Variants in SAMMSON observed in about 807,000 individuals in gnomAD.
SAMMSON encodes the protein long intergenic non-protein coding RNA 1212.
At chr3:70,285,223 A>G (rs1479001575) in intron 6 of SAMMSON, among the ~76,000 whole-genome samples, 1 of 92,648 alleles carries the variant, frequency 1.1e-5, no homozygotes, top group East Asian at 3.5e-4. Flanking sequence ...CCACCCCACA[A>G]CAGTCCCCAG....
At chr3:70,306,992 T>G (rs35386450) in intron 7 of SAMMSON, among the ~76,000 whole-genome samples, 57,102 of 151,854 alleles carry the variant, frequency 0.38, 11,089 homozygotes, top group Middle Eastern at 0.43. Flanking sequence ...TTTATATATA[T>G]AGAGAGAGAG....
intron 4 of SAMMSON, among the ~76,000 whole-genome samples, chr3:70,237,566 T>C (rs1701622099): frequency 6.6e-6 from 1 of 152,202 alleles, no homozygotes; most frequent in South Asian, 2.1e-4. Context: ...TCTTCAATCA[T>C]TCAAGGACAG....
chr3:70,285,515 A>C (rs1483374651), intron 6 of SAMMSON, among the ~76,000 whole-genome samples: 58 of 151,758 alleles, frequency 3.8e-4, no homozygotes, highest in African/African-American at 1.0e-3. Context: ...CCGCAATAAA[A>C]ATACGTGTGC....
chr3:70,311,208 G>C (rs763734729), intron 7 of SAMMSON, among the ~76,000 whole-genome samples: 2 of 152,102 alleles, frequency 1.3e-5, no homozygotes, highest in Non-Finnish European at 2.9e-5. Context: ...TGAAAAAGAC[G>C]CAGCATACCT....
At chr3:70,074,825 T>C (rs2067242418) in intron 4 of SAMMSON, 1 of 152,120 alleles carries the variant, frequency 6.6e-6, no homozygotes, top group Non-Finnish European at 1.5e-5. Context: ...ATGCCTTCTG[T>C]TTTGCTTGTG....
At chr3:70,379,015 ATTTATTTATTTAT>A (rs1421072945) in intron 9 of SAMMSON, among the ~76,000 whole-genome samples, 3 of 148,682 alleles carry the variant, frequency 2.0e-5, no homozygotes, top group African/African-American at 7.5e-5. Flanking sequence ...TTATTTATTT[ATTTATTTATTTAT>A]TTTAAGACGG....
intron 4 of SAMMSON, chr3:70,172,620 A>AGAAG (rs1221123687): frequency 6.6e-6 from 1 of 151,972 alleles, no homozygotes; most frequent in Non-Finnish European, 1.5e-5. Context: ...GAACACTCAC[A>AGAAG]AAAGAGGGGC....
chr3:70,097,620 T>C (rs531143013), intron 4 of SAMMSON, among the ~76,000 whole-genome samples: 33 of 152,206 alleles, frequency 2.2e-4, no homozygotes, highest in Non-Finnish European at 3.5e-4. Flanking sequence ...GGGCTCAGAA[T>C]TATTACGGCA....
At chr3:70,349,367 C>T (rs571859143) in intron 7 of SAMMSON, among the ~76,000 whole-genome samples, 6 of 151,752 alleles carry the variant, frequency 4.0e-5, no homozygotes, top group Admixed American at 2.6e-4. Context: ...GAGTGAAACT[C>T]GGTCTTAAAA....
intron 3 of SAMMSON, among the ~76,000 whole-genome samples, chr3:70,058,645 C>T (rs1315470578): frequency 1.3e-5 from 2 of 151,968 alleles, no homozygotes; most frequent in Non-Finnish European, 2.9e-5. Flanking sequence ...CTGATAATTG[C>T]AGTTATAAAA....
In SAMMSON at chr3:70,346,788, A is replaced by G. The variant is rs954971730; in HGVS notation, n.740-7387A>G. On this transcript the variant is annotated intron_variant and non_coding_transcript_variant, in intron 7 of 9. Coordinates refer to ENST00000642114, the Ensembl canonical transcript of SAMMSON. ...ATTACAGTTTTTGTTTTCAAGAACAAAATTGGGCATTACAAATGTAATGTT... is the reference window on the plus strand; with the variant it reads ...ATTACAGTTTTTGTTTTCAAGAACAGAATTGGGCATTACAAATGTAATGTT... 2.6e-5 allele frequency among the ~76,000 whole-genome samples: 4 copies of G among 152,200 alleles called. No individual in the cohort carries two copies. In the South Asian group the frequency reaches 8.3e-4, roughly 32 times the overall value.
intron 4 of SAMMSON, among the ~76,000 whole-genome samples, chr3:70,173,725 A>T (rs1265478530): frequency 6.6e-6 from 1 of 151,972 alleles, no homozygotes; most frequent in Non-Finnish European, 1.5e-5. Context: ...CAGTCTTGTT[A>T]ATCATATTTG....
chr3:70,434,570 A>T (rs749655936), intron 2 of SAMMSON, among the ~76,000 whole-genome samples: 3 of 151,168 alleles, frequency 2.0e-5, no homozygotes, highest in African/African-American at 4.9e-5. Flanking sequence ...GAATAAAGAC[A>T]TTTTTTTTTC....
intron 7 of SAMMSON, among the ~76,000 whole-genome samples, chr3:70,298,957 C>T (rs1202987002): frequency 1.3e-5 from 2 of 152,106 alleles, no homozygotes; most frequent in Non-Finnish European, 2.9e-5. Flanking sequence ...ATATTTTATG[C>T]AACTAAGCTG....
chr3:70,190,239 C>T (rs1701120937), intron 4 of SAMMSON, among the ~76,000 whole-genome samples: 1 of 152,146 alleles, frequency 6.6e-6, no homozygotes, highest in African/African-American at 2.4e-5. Context: ...TCCATCTCTT[C>T]CCTCCTGTTT....
At chr3:70,333,193 A>G (rs1453913510) in intron 7 of SAMMSON, among the ~76,000 whole-genome samples, 1 of 152,102 alleles carries the variant, frequency 6.6e-6, no homozygotes, top group East Asian at 1.9e-4. Flanking sequence ...CCTTGTGGAC[A>G]GAGCCTGTTT....
At chr3:70,041,176 G>T (rs1425091192) in intron 3 of SAMMSON, among the ~76,000 whole-genome samples, 3 of 152,126 alleles carry the variant, frequency 2.0e-5, no homozygotes, top group Non-Finnish European at 4.4e-5. Flanking sequence ...CTTTGCCAAA[G>T]TGTCCAGTGT....
intron 4 of SAMMSON, among the ~76,000 whole-genome samples, chr3:70,206,385 T>A (rs1701290998): frequency 6.6e-6 from 1 of 152,088 alleles, no homozygotes; most frequent in Admixed American, 6.6e-5. Flanking sequence ...GCAAACAATC[T>A]GCCAAGCGCC....
chr3:70,305,690 T>G (rs1232614777), intron 7 of SAMMSON, among the ~76,000 whole-genome samples: 5 of 152,224 alleles, frequency 3.3e-5, no homozygotes, highest in Admixed American at 2.0e-4. Flanking sequence ...ATTCTATTAA[T>G]GTTCATGATC....
Sources: allele counts gnomAD v4.1 joint callset (sites outside exome capture counted in the v4.1 genomes callset), GRCh38; gene constraint gnomAD v4.1.1; transcripts MANE v1.5; gene names NCBI Gene and HGNC (gene_info 2026-07-23, HGNC 2026-07-21).